SYNE1: variants seen among roughly 807,000 people sequenced by gnomAD.
SYNE1 encodes the protein nesprin-1.
Under a neutral mutation model 1,111.0 loss-of-function variants are expected in SYNE1, and 616 were observed. The observed-to-expected ratio is 0.55, with a 90% CI of 0.52 to 0.59. SYNE1 has a LOEUF of 0.59. Among genes scored for constraint, SYNE1 ranks in the 20% least tolerant of loss-of-function variants. The probability of loss-of-function intolerance (pLI) is 0.00; values close to 1 mark genes in which losing one functional copy is unlikely to be tolerated. For missense variants in SYNE1, 10,006 were observed against 10,417.0 expected, an observed-to-expected ratio of 0.96 and a Z score of 1.72; for synonymous variants, 3,855 against 3,825.8, an observed-to-expected ratio of 1.01 and a Z score of -0.28.
chr6:152,152,382 A>G (rs1271280384), intron 133 of SYNE1, among the ~76,000 whole-genome samples: 1 of 152,178 alleles, frequency 6.6e-6, no homozygotes, highest in East Asian at 1.9e-4. Flanking sequence ...ATGAATAAAC[A>G]CACACGCATC....
intron 83 of SYNE1, 70 bp downstream of exon 83, chr6:152,321,651 A>G: frequency 1.3e-6 from 2 of 1,573,278 alleles, no homozygotes; most frequent in Non-Finnish European, 1.7e-6. Flanking sequence ...ACAAACAAGT[A>G]TGTTCAACTA....
chr6:152,591,089 A>G (rs2099560391), intron 3 of SYNE1, among the ~76,000 whole-genome samples: 1 of 152,124 alleles, frequency 6.6e-6, no homozygotes, highest in Non-Finnish European at 1.5e-5. Context: ...TTCTCCTTTT[A>G]GAGATCTTTA....
rs778574491 is a variant in SYNE1 at position 152,472,336 on chromosome 6, T to C, written c.1428A>G (p.Pro476=). 1.2e-4 allele frequency: 192 copies of C among 1,613,940 alleles called. No homozygotes were observed. The highest frequency in any genetic ancestry group is 1.6e-4 in the Non-Finnish European group (187 of 1,179,950). ...TGTCCTCTAATTGATCAGGTGGCAC[T>C]GGAATCCCGTTAACAGACCTGGTCC... is the stretch of plus-strand genomic sequence containing the variant. The part of the protein sequence containing the change: ...IYRTRSVNGI[P]VPPDQLEDMA... Residue 476 remains proline (P), a synonymous_variant, in exon 15 of 146, where the codon CCA becomes CCG. Transcript: ENST00000367255.
intron 98 of SYNE1, among the ~76,000 whole-genome samples, chr6:152,274,961 G>A (rs1323000504): frequency 2.0e-5 from 3 of 152,092 alleles, no homozygotes; most frequent in Non-Finnish European, 4.4e-5. Context: ...ATCATAGCTC[G>A]CTGCAGCCTC....
chr6:152,433,760 A>G lies in SYNE1; in HGVS notation c.4461+35T>C, dbSNP rs1464486218. ...TAAGAAAGTAGTTCTTAAAAGCTAG[A>G]CATGGATTATAAATATAATGTGTGA... On this transcript the variant is annotated intron_variant, in intron 34 of 145. Coordinates refer to ENST00000367255, the MANE Select transcript of SYNE1 (RefSeq NM_182961.4). The G allele has an allele frequency of 2.5e-6, 4 of 1,612,722 alleles. No homozygotes were observed. The African/African-American group carries it at 5.3e-5, about 22-fold the overall frequency.
chr6:152,320,739 G>A (rs2095851597), intron 84 of SYNE1, among the ~76,000 whole-genome samples: 1 of 152,138 alleles, frequency 6.6e-6, no homozygotes, highest in South Asian at 2.1e-4. Context: ...TAGAAGCTAG[G>A]GTTAAAATGA....
intron 131 of SYNE1, among the ~76,000 whole-genome samples, chr6:152,161,225 C>T (rs1261629173): frequency 6.9e-6 from 1 of 145,886 alleles, no homozygotes; most frequent in Non-Finnish European, 1.5e-5. Flanking sequence ...TATATTTTTA[C>T]ATTACTACAT....
intron 45 of SYNE1, 150 bp from the exon 46 acceptor site, chr6:152,404,464 T>C (rs945297209): frequency 7.7e-6 from 5 of 645,774 alleles, no homozygotes; most frequent in African/African-American, 5.5e-5. Flanking sequence ...AGGGCTGTTA[T>C]GATGTACAAA....
rs1301440544 is a variant in SYNE1 at position 152,461,727 on chromosome 6, C to T, written c.2264G>A (p.Arg755Lys). 3 of 1,613,838 alleles carry T rather than the reference C, an allele frequency of 1.9e-6. No homozygotes were observed. The highest frequency in any genetic ancestry group is 2.5e-6 in the Non-Finnish European group (3 of 1,179,938). ...GTATTGGGCATCCATCACAGGCACCCTCTGCTCAATATCCTGCATGAATCA... is the reference window on the plus strand; with the variant it reads ...GTATTGGGCATCCATCACAGGCACCTTCTGCTCAATATCCTGCATGAATCA... ...LIQDLEDIEQ[R>K]VPVMDAQYKI... Residue 755 changes from arginine to lysine, a missense_variant, in exon 21 of 146, where the codon AGG becomes AAG. Coordinates refer to ENST00000367255, the MANE Select transcript of SYNE1 (RefSeq NM_182961.4).
chr6:152,220,256 G>T (rs931394779), intron 119 of SYNE1, among the ~76,000 whole-genome samples: 1 of 152,086 alleles, frequency 6.6e-6, no homozygotes, highest in African/African-American at 2.4e-5. Context: ...TAAAAATAAA[G>T]ACAAATAAGG....
chr6:152,580,290 A>G (rs148221513), intron 3 of SYNE1, among the ~76,000 whole-genome samples: 11 of 152,010 alleles, frequency 7.2e-5, no homozygotes, highest in African/African-American at 2.4e-4. Context: ...TTTTTCATAT[A>G]CTTGTCCACA....
In SYNE1 at chr6:152,347,117, T is replaced by G; in HGVS notation, c.12020A>C (p.His4007Pro). 6.2e-7 allele frequency: 1 copy of G among 1,614,226 alleles called. No individual in the cohort carries two copies. Among genetic ancestry groups the G allele is most frequent in the South Asian group, 1.1e-5 (1 of 91,084 alleles). The change falls in exon 73 of 146, where the codon CAT becomes CCT. Residue 4007 changes from histidine to proline, a missense_variant. This residue lies in a region of SYNE1 where 4,955 missense variants were observed against 5,017.2 expected (regional missense o/e 0.99). Transcript: ENST00000367255. ...HLQAKLKQNV[H>P]AHLQGTKDSY... is the part of the protein sequence containing the mutation. ...GTCCTTTGTGCCCTGCAGATGAGCATGCACGTTTTGTTTAAGTTTCGCTTG... is the reference window on the plus strand; with the variant it reads ...GTCCTTTGTGCCCTGCAGATGAGCAGGCACGTTTTGTTTAAGTTTCGCTTG...
At chr6:152,144,232 A>G (rs2059053995) in intron 137 of SYNE1, 1 of 247,304 alleles carries the variant, frequency 4.0e-6, no homozygotes, top group African/African-American at 2.2e-5. Context: ...AGATAGTGTC[A>G]CGGAAGGCTC....
At chr6:152,559,676 T>TA (rs1009262785) in intron 3 of SYNE1, among the ~76,000 whole-genome samples, 99 of 152,176 alleles carry the variant, frequency 6.5e-4, no homozygotes, top group African/African-American at 2.2e-3. Flanking sequence ...CCTACATTTT[T>TA]AAAAAAAGAA....
At chr6:152,346,814 A>AAACC (rs1320478143) in intron 73 of SYNE1, among the ~76,000 whole-genome samples, 5 of 151,562 alleles carry the variant, frequency 3.3e-5, no homozygotes, top group African/African-American at 1.2e-4. Flanking sequence ...CGTCTCAAAC[A>AAACC]AAACAAAACA....
At chr6:152,348,066 T>C (rs1351197933) in intron 72 of SYNE1, among the ~76,000 whole-genome samples, 1 of 152,180 alleles carries the variant, frequency 6.6e-6, no homozygotes, top group Non-Finnish European at 1.5e-5. Flanking sequence ...TCTGTAATAA[T>C]GTAATATCTA....
chr6:152,510,429 C>T, intron 7 of SYNE1, 58 bp from the exon 8 acceptor site: 2 of 1,573,674 alleles, frequency 1.3e-6, no homozygotes, highest in East Asian at 2.3e-5. Flanking sequence ...ATTATTTCCT[C>T]AGATGTTTTA....
In SYNE1 at chr6:152,146,024, CAAAA is replaced by C. The variant is rs57218606; in HGVS notation, c.24976+2017_24976+2020del. The C allele has an allele frequency of 4.8e-4, 24 of 49,700 alleles. No homozygotes were observed. The East Asian group carries it at 8.8e-3, about 18-fold the overall frequency. 3.1% of individuals were successfully genotyped at this position (49,700 alleles called of 1,614,324 possible). The stretch of plus-strand genomic sequence containing the variant: ...TGGGCAACAGAACTAGACTTCGTCT[CAAAA>C]AAAAAAAAAAAAAAAAAAAAAAGAA... On this transcript the variant is annotated intron_variant, in intron 137 of 145. Coordinates refer to ENST00000367255, the MANE Select transcript of SYNE1 (RefSeq NM_182961.4).
chr6:152,231,089 A>T (rs1329270527), intron 114 of SYNE1, among the ~76,000 whole-genome samples: 1 of 152,256 alleles, frequency 6.6e-6, no homozygotes, highest in South Asian at 2.1e-4. Flanking sequence ...ATAAAGTATG[A>T]ATCAATGACT....
Sources: gnomAD v4.1 joint callset for allele counts (sites outside exome capture counted in the v4.1 genomes callset) on GRCh38, gnomAD v4.1.1 for gene constraint, gnomAD v4.1.1 regional missense constraint, MANE v1.5 for transcripts, NCBI Gene and HGNC (gene_info 2026-07-23, HGNC 2026-07-21) for gene names.